Variants in DNAJB14 observed in about 807,000 individuals in gnomAD.
The protein encoded by DNAJB14 is dnaJ homolog subfamily B member 14.
A neutral mutation model predicts 48.4 loss-of-function variants in DNAJB14; 22 were observed. The ratio of observed to expected loss-of-function variants is 0.45; its 90% CI spans 0.32 to 0.65. The LOEUF (loss-of-function observed/expected upper bound fraction) is 0.65, where lower values mean the gene tolerates loss of function less well. Among genes scored for constraint, DNAJB14 ranks in the 30% least tolerant of loss-of-function variants. The pLI is 0.03. For synonymous variants in DNAJB14, 142 were observed against 158.7 expected, an observed-to-expected ratio of 0.89 and a Z score of 0.79; for missense variants, 319 against 458.8, an observed-to-expected ratio of 0.70 and a Z score of 2.78.
chr4:99,924,642 A>C, intron 2 of DNAJB14: 1 of 1,318,770 alleles, frequency 7.6e-7, no homozygotes, highest in Non-Finnish European at 1.0e-6. Context: ...CATTTGACAT[A>C]TATCTGTAAA....
chr4:99,933,860 T>A (rs1221555863), intron 1 of DNAJB14, among the ~76,000 whole-genome samples: 1 of 151,928 alleles, frequency 6.6e-6, no homozygotes, highest in African/African-American at 2.4e-5. Flanking sequence ...TGGAGTATAA[T>A]ACAGGGGCAT....
At chr4:99,928,431 A>C (rs557523596) in intron 2 of DNAJB14, 13 of 247,042 alleles carry the variant, frequency 5.3e-5, no homozygotes, top group African/African-American at 2.3e-4. Flanking sequence ...TTCCATTCTC[A>C]AGGTGTCTCC....
chr4:99,941,124 T>C (rs575688674), intron 1 of DNAJB14, among the ~76,000 whole-genome samples: 14 of 152,230 alleles, frequency 9.2e-5, no homozygotes, highest in East Asian at 1.9e-4. Context: ...TCCAGGCCCA[T>C]AGATGTCACA....
chr4:99,905,637 A>G lies in DNAJB14; in HGVS notation c.802T>C (p.Leu268=). 2 of 1,612,006 alleles carry G rather than the reference A, an allele frequency of 1.2e-6. No individual in the cohort carries two copies. The highest frequency in any genetic ancestry group is 1.3e-5 in the African/African-American group (1 of 74,950). The stretch of plus-strand genomic sequence containing the variant: ...GAATAAGGAGGATTAGAGACCATCA[A>G]CTGGCTTAATAATGACACGAGGATC... The part of the protein sequence containing the change: ...VLILVSLLSQ[L]MVSNPPYSLY... Residue 268 remains leucine (L), a synonymous_variant, in exon 6 of 8, where the codon TTG becomes CTG. Transcript: ENST00000442697.
chr4:99,934,946 G>A (rs1726620159), intron 1 of DNAJB14, among the ~76,000 whole-genome samples: 1 of 149,320 alleles, frequency 6.7e-6, no homozygotes, highest in Non-Finnish European at 1.5e-5. Context: ...ACAGGATAAT[G>A]CTTAAAAGAG....
At chr4:99,946,017 T>C (rs1011100249) in intron 1 of DNAJB14, among the ~76,000 whole-genome samples, 3 of 152,188 alleles carry the variant, frequency 2.0e-5, no homozygotes, top group African/African-American at 4.8e-5. Flanking sequence ...GATTAGCCAC[T>C]AGAGTACACC....
chr4:99,919,337 C>G (rs1725967097), intron 3 of DNAJB14, among the ~76,000 whole-genome samples: 1 of 152,122 alleles, frequency 6.6e-6, no homozygotes, highest in African/African-American at 2.4e-5. Flanking sequence ...GTAATCCCAG[C>G]ACTTTGGGAG....
chr4:99,923,511 A>G (rs1429379404), intron 2 of DNAJB14, among the ~76,000 whole-genome samples: 2 of 152,212 alleles, frequency 1.3e-5, no homozygotes, highest in East Asian at 3.8e-4. Flanking sequence ...TGAGACAATA[A>G]TAATAATTTT....
intron 3 of DNAJB14, 59 bp downstream of exon 3, chr4:99,922,981 C>T (rs777822691): frequency 8.2e-5 from 122 of 1,486,680 alleles, no homozygotes; most frequent in South Asian, 6.5e-4. Context: ...TATTCTGAAA[C>T]GCCGTAAAGT....
At chr4:99,933,676 A>G (rs1217316454) in intron 1 of DNAJB14, among the ~76,000 whole-genome samples, 1 of 152,204 alleles carries the variant, frequency 6.6e-6, no homozygotes, top group Non-Finnish European at 1.5e-5. Flanking sequence ...GTAGTGGTTC[A>G]CAACATTTAG....
chr4:99,905,115 A>G (rs962575134), intron 6 of DNAJB14, among the ~76,000 whole-genome samples: 2 of 152,078 alleles, frequency 1.3e-5, no homozygotes, highest in African/African-American at 4.8e-5. Flanking sequence ...ATGCTGTATT[A>G]AATTTCCTTT....
intron 1 of DNAJB14, among the ~76,000 whole-genome samples, chr4:99,943,758 G>C (rs940804438): frequency 6.6e-6 from 1 of 152,074 alleles, no homozygotes; most frequent in African/African-American, 2.4e-5. Flanking sequence ...GTCCCTCTAG[G>C]ACTAGATAAT....
chr4:99,911,793 C>T (rs1392285036), intron 3 of DNAJB14, among the ~76,000 whole-genome samples: 1 of 152,034 alleles, frequency 6.6e-6, no homozygotes, highest in Non-Finnish European at 1.5e-5. Flanking sequence ...ATTCAAGATA[C>T]CTGTCCTTTG....
At chr4:99,930,041 A>C (rs1726404517) in intron 2 of DNAJB14, 1 of 152,918 alleles carries the variant, frequency 6.5e-6, no homozygotes, top group Non-Finnish European at 1.5e-5. Context: ...AAATAGAAAA[A>C]AATCCTTCAC....
intron 6 of DNAJB14, 52 bp from the exon 7 acceptor site, chr4:99,903,950 C>G: frequency 6.6e-7 from 1 of 1,521,832 alleles, no homozygotes; most frequent in Non-Finnish European, 8.9e-7. Flanking sequence ...TTCCAATATG[C>G]TGCTATAAAC....
intron 1 of DNAJB14, among the ~76,000 whole-genome samples, chr4:99,944,291 T>G (rs1053919678): frequency 3.3e-5 from 5 of 152,196 alleles, no homozygotes; most frequent in Non-Finnish European, 7.4e-5. Context: ...CTATGTACTG[T>G]TCGTGGGAAA....
chr4:99,931,747 T>C (rs573561485), intron 1 of DNAJB14, among the ~76,000 whole-genome samples: 2 of 151,752 alleles, frequency 1.3e-5, no homozygotes, highest in South Asian at 4.1e-4. Flanking sequence ...TATATATATA[T>C]ATATACCACA....
chr4:99,930,413 C>T, intron 2 of DNAJB14, 37 bp downstream of exon 2: 10 of 1,526,690 alleles, frequency 6.6e-6, no homozygotes, highest in African/African-American at 1.4e-5. Flanking sequence ...ACATTAATAC[C>T]AATTATGATT....
chr4:99,912,973 TTA>T (rs1371798892), intron 3 of DNAJB14, among the ~76,000 whole-genome samples: 1 of 152,228 alleles, frequency 6.6e-6, no homozygotes, highest in Non-Finnish European at 1.5e-5. Flanking sequence ...ATTATTAATT[TTA>T]GTGTCTAAAT....
Sources: allele counts gnomAD v4.1 joint callset (sites outside exome capture counted in the v4.1 genomes callset), GRCh38; gene constraint gnomAD v4.1.1; transcripts MANE v1.5; gene names NCBI Gene and HGNC (gene_info 2026-07-23, HGNC 2026-07-21).